ASRGL1: variants seen among roughly 807,000 people sequenced by gnomAD.
ASRGL1 encodes the protein isoaspartyl peptidase/L-asparaginase.
In ASRGL1, 16 loss-of-function variants were observed where a neutral mutation model predicts 22.4. The ratio of observed to expected loss-of-function variants is 0.71; its 90% CI spans 0.48 to 1.08. The LOEUF (loss-of-function observed/expected upper bound fraction) is 1.08. Among genes scored for constraint, ASRGL1 ranks in the 50% least tolerant of loss-of-function variants. The pLI, the probability that ASRGL1 is intolerant of heterozygous loss-of-function variation, is 0.00. For missense variants in ASRGL1, 412 were observed against 410.1 expected, an observed-to-expected ratio of 1.00 and a Z score of -0.04; for synonymous variants, 165 against 159.3, an observed-to-expected ratio of 1.04 and a Z score of -0.27.
intron 5 of ASRGL1, among the ~76,000 whole-genome samples, 176 bp from the exon 6 acceptor site, chr11:62,391,346 G>A (rs1408535242): frequency 6.6e-6 from 1 of 152,188 alleles, no homozygotes; most frequent in Non-Finnish European, 1.5e-5. Context: ...AAATTCTGGG[G>A]CATCTACATG....
chr11:62,345,872 C>T (rs931914123), intron 2 of ASRGL1, among the ~76,000 whole-genome samples: 69 of 152,290 alleles, frequency 4.5e-4, no homozygotes, highest in African/African-American at 1.3e-3. Flanking sequence ...AATGCTGCTG[C>T]TGATCTGACA....
In ASRGL1 at chr11:62,363,058, C is replaced by T. The variant is rs532867849; in HGVS notation, c.491+5914C>T. 4.0e-5 allele frequency among the ~76,000 whole-genome samples: 6 copies of T among 149,526 alleles called. No individual in the cohort carries two copies. In the South Asian group the frequency reaches 6.3e-4, roughly 16 times the overall value. ...ATGCCATTCTCCTGCCTCAGCCTCC[C>T]GAGTAGCTGGGACTACAGGCGCCCG... On this transcript the variant is annotated intron_variant, in intron 4 of 6. Transcript: ENST00000415229.
chr11:62,391,249 GT>G (rs1270632858), intron 5 of ASRGL1, among the ~76,000 whole-genome samples: 1 of 152,218 alleles, frequency 6.6e-6, no homozygotes, highest in African/African-American at 2.4e-5. Context: ...AGGAATGGCT[GT>G]GCTTTGGGGC....
chr11:62,340,960 T>A (rs1348721997), intron 2 of ASRGL1, among the ~76,000 whole-genome samples: 1 of 152,238 alleles, frequency 6.6e-6, no homozygotes, highest in East Asian at 1.9e-4. Context: ...TCTATTCCTG[T>A]TTCAGTGTGC....
chr11:62,392,651 C>A lies in ASRGL1; in HGVS notation c.*367C>A. 3.7e-6 allele frequency: 1 copy of A among 272,250 alleles called. No individual in the cohort carries two copies. Among genetic ancestry groups the A allele is most frequent in the Non-Finnish European group, 7.1e-6 (1 of 140,620 alleles). 16.9% of individuals were successfully genotyped at this position (272,250 alleles called of 1,614,324 possible). On this transcript the variant is annotated 3_prime_UTR_variant, in exon 7 of 7. Coordinates refer to ENST00000415229, the MANE Select transcript of ASRGL1 (RefSeq NM_001083926.2). ...CATGACAGATGTGGGAGACCCACAG[C>A]CTGCAGACACTGTGGGCTGGAAGGT...
At chr11:62,348,037 A>G (rs1283139857) in intron 2 of ASRGL1, among the ~76,000 whole-genome samples, 1 of 152,228 alleles carries the variant, frequency 6.6e-6, no homozygotes, top group Non-Finnish European at 1.5e-5. Context: ...TAGACATTGT[A>G]TCAGGTATCA....
chr11:62,389,938 T>C (rs1000468576), intron 5 of ASRGL1: 2 of 154,204 alleles, frequency 1.3e-5, no homozygotes, highest in African/African-American at 4.8e-5. Context: ...CTACCTTCCC[T>C]TTTTAATGTG....
intron 4 of ASRGL1, among the ~76,000 whole-genome samples, chr11:62,370,394 C>T (rs1012228782): frequency 2.7e-4 from 41 of 152,056 alleles, no homozygotes; most frequent in African/African-American, 9.4e-4. Flanking sequence ...GAATTTAGGT[C>T]GATAGTATAA....
chr11:62,351,850 GT>G (rs1027268733), intron 2 of ASRGL1, among the ~76,000 whole-genome samples: 6 of 151,948 alleles, frequency 3.9e-5, no homozygotes, highest in Admixed American at 6.6e-5. Flanking sequence ...ATTTTTTATT[GT>G]TTTGTAGAGA....
At chr11:62,348,689 C>T (rs1485467096) in intron 2 of ASRGL1, among the ~76,000 whole-genome samples, 4 of 149,378 alleles carry the variant, frequency 2.7e-5, no homozygotes, top group African/African-American at 7.4e-5. Context: ...GGTGACAGAG[C>T]GAGACTCCTC....
chr11:62,397,940 T>A (rs937911687), downstream of ASRGL1, among the ~76,000 whole-genome samples: 1 of 152,066 alleles, frequency 6.6e-6, no homozygotes, highest in Non-Finnish European at 1.5e-5. Flanking sequence ...TCCAGCACCT[T>A]TCTTACTGGC....
At chr11:62,379,699 TCTACTG>T (rs1318247690) in intron 4 of ASRGL1, among the ~76,000 whole-genome samples, 1 of 152,158 alleles carries the variant, frequency 6.6e-6, no homozygotes, top group Non-Finnish European at 1.5e-5. Flanking sequence ...AGTACATAAA[TCTACTG>T]CTACACTGCC....
chr11:62,373,012 C>A, intron 4 of ASRGL1: 1 of 1,384,380 alleles, frequency 7.2e-7, no homozygotes, highest in South Asian at 1.2e-5. Context: ...GATCACAAGC[C>A]CAAGTCTTCC....
intron 2 of ASRGL1, among the ~76,000 whole-genome samples, chr11:62,348,140 A>G (rs531110010): frequency 1.3e-5 from 2 of 152,318 alleles, no homozygotes; most frequent in East Asian, 1.9e-4. Context: ...TGCAAATACT[A>G]TGCCATTTCA....
At chr11:62,382,174 G>A (rs1947086645) in intron 4 of ASRGL1, 1 of 152,130 alleles carries the variant, frequency 6.6e-6, no homozygotes, top group Admixed American at 6.5e-5. Context: ...TGTAGTCCCA[G>A]CTACTCAGGA....
chr11:62,400,637 C>G, the ASRGL1 span, among the ~76,000 whole-genome samples: 1 of 152,194 alleles, frequency 6.6e-6, no homozygotes, highest in East Asian at 1.9e-4. Context: ...TCTATTTCTA[C>G]TTTGTGGAGT....
chr11:62,386,785 T>G (rs2134695910), intron 4 of ASRGL1, among the ~76,000 whole-genome samples: 1 of 152,314 alleles, frequency 6.6e-6, no homozygotes, highest in Non-Finnish European at 1.5e-5. Context: ...CAATTGACAC[T>G]AACAGCAGTA....
At chr11:62,380,497 G>A (rs1947039552) in intron 4 of ASRGL1, among the ~76,000 whole-genome samples, 1 of 152,118 alleles carries the variant, frequency 6.6e-6, no homozygotes, top group Admixed American at 6.5e-5. Context: ...TTGATTAGTA[G>A]TGCTCCAATT....
chr11:62,358,357 G>T (rs192934273), intron 4 of ASRGL1, among the ~76,000 whole-genome samples: 6 of 126,290 alleles, frequency 4.8e-5, no homozygotes, highest in Non-Finnish European at 8.0e-5. Flanking sequence ...GCAACAAAGC[G>T]AGACTCCGTC....
Sources: allele counts gnomAD v4.1 joint callset (sites outside exome capture counted in the v4.1 genomes callset), GRCh38; gene constraint gnomAD v4.1.1; transcripts MANE v1.5; gene names NCBI Gene and HGNC (gene_info 2026-07-23, HGNC 2026-07-21).